Variants in OPCML observed in about 807,000 individuals in gnomAD.
OPCML encodes opioid binding protein/cell adhesion molecule like, also known as opioid-binding protein/cell adhesion molecule.
OPCML carries 13 observed loss-of-function variants against 37.8 expected under a neutral mutation model. The observed-to-expected ratio is 0.34, with a 90% CI of 0.22 to 0.55. OPCML has a LOEUF of 0.55. Ranked by LOEUF, OPCML falls within the 20% of genes least tolerant of loss-of-function variation. The pLI, the probability that OPCML is intolerant of heterozygous loss-of-function variation, is 0.91. For synonymous variants in OPCML, 176 were observed against 168.8 expected, an observed-to-expected ratio of 1.04 and a Z score of -0.33; for missense variants, 341 against 435.6, an observed-to-expected ratio of 0.78 and a Z score of 1.93.
At chr11:132,771,124 C>A (rs1438891603) in intron 2 of OPCML, among the ~76,000 whole-genome samples, 1 of 152,142 alleles carries the variant, frequency 6.6e-6, no homozygotes, top group Non-Finnish European at 1.5e-5. Context: ...GTGAAAATAA[C>A]CTTCATCCAC....
At chr11:132,628,051 C>A (rs1445496638) in intron 3 of OPCML, among the ~76,000 whole-genome samples, 2 of 152,106 alleles carry the variant, frequency 1.3e-5, no homozygotes, top group Non-Finnish European at 2.9e-5. Flanking sequence ...GGGATATTTA[C>A]AGATTTGCAA....
chr11:132,913,540 G>C (rs1944494780), intron 2 of OPCML, among the ~76,000 whole-genome samples: 1 of 152,118 alleles, frequency 6.6e-6, no homozygotes, highest in Admixed American at 6.6e-5. Context: ...TGTAAAGCCA[G>C]AGACCATTAG....
At chr11:133,181,810 C>T (rs1212597922) in intron 1 of OPCML, among the ~76,000 whole-genome samples, 2 of 152,202 alleles carry the variant, frequency 1.3e-5, no homozygotes, top group African/African-American at 4.8e-5. Flanking sequence ...AAAGCCCCAT[C>T]TTCAAAAGGC....
At chr11:132,576,122 T>C (rs944586037) in intron 3 of OPCML, among the ~76,000 whole-genome samples, 1 of 152,144 alleles carries the variant, frequency 6.6e-6, no homozygotes, top group African/African-American at 2.4e-5. Context: ...TTTTAATGTT[T>C]ATTGGTGCTA....
chr11:133,198,844 G>T (rs1001806411), intron 1 of OPCML, among the ~76,000 whole-genome samples: 1 of 152,156 alleles, frequency 6.6e-6, no homozygotes, highest in African/African-American at 2.4e-5. Flanking sequence ...GTGTATTCTG[G>T]ATTGGGTGCA....
chr11:133,395,786 G>A (rs557567606), intron 1 of OPCML, among the ~76,000 whole-genome samples: 3 of 152,252 alleles, frequency 2.0e-5, no homozygotes, highest in African/African-American at 7.2e-5. Context: ...AGTGACTATA[G>A]CTCTGTAGTA....
In OPCML at chr11:132,630,605, T is replaced by C. The variant is rs548354308; in HGVS notation, c.379+26482A>G. ...TACCACTACATACTAGAATAATTAA[T>C]AGTAAAAAGACTGGCAACACCAAGT... On this transcript the variant is annotated intron_variant, in intron 3 of 7. Transcript: ENST00000524381. Among the ~76,000 whole-genome samples the C allele has an allele frequency of 3.9e-5, 6 of 152,196 alleles. No individual in the cohort carries two copies. In the East Asian group the frequency reaches 9.7e-4, roughly 25 times the overall value.
chr11:133,028,779 T>C (rs1368689615), intron 1 of OPCML, among the ~76,000 whole-genome samples: 1 of 151,908 alleles, frequency 6.6e-6, no homozygotes, highest in Non-Finnish European at 1.5e-5. Flanking sequence ...TAGGAAATAC[T>C]CTTCCAGACA....
At chr11:132,761,022 G>A (rs781509252) in intron 2 of OPCML, among the ~76,000 whole-genome samples, 13 of 152,074 alleles carry the variant, frequency 8.5e-5, no homozygotes, top group Non-Finnish European at 1.6e-4. Flanking sequence ...GCATTTGCTT[G>A]TCTGTAAAGG....
intron 1 of OPCML, among the ~76,000 whole-genome samples, chr11:133,523,192 T>G (rs947713111): frequency 5.3e-5 from 8 of 152,162 alleles, no homozygotes; most frequent in Non-Finnish European, 5.9e-5. Context: ...GGGCACCAGT[T>G]AAGAGATTGA....
intron 2 of OPCML, among the ~76,000 whole-genome samples, chr11:132,718,719 C>T (rs1377808413): frequency 1.3e-5 from 2 of 152,176 alleles, no homozygotes; most frequent in Non-Finnish European, 2.9e-5. Flanking sequence ...CAGGGAAGCA[C>T]ACGCGGGCAC....
In OPCML at chr11:132,780,549, C is replaced by T. The variant is rs1045336928; in HGVS notation, c.147-123230G>A. Among the ~76,000 whole-genome samples, 6 of 152,208 alleles carry T rather than the reference C, an allele frequency of 3.9e-5. No homozygotes were observed. In the South Asian group the frequency reaches 6.2e-4, roughly 16 times the overall value. On this transcript the variant is annotated intron_variant, in intron 2 of 7. Transcript: ENST00000524381. ...TGAAAGCAGATGGCAGGAAAGATAC[C>T]GATTAAAAATCACTGGTTTCCTCCT...
intron 1 of OPCML, among the ~76,000 whole-genome samples, chr11:133,438,926 C>T (rs960958340): frequency 1.2e-4 from 18 of 152,118 alleles, no homozygotes; most frequent in African/African-American, 4.3e-4. Context: ...GGGGTGAACC[C>T]GGAGAGGGCA....
intron 1 of OPCML, among the ~76,000 whole-genome samples, chr11:133,457,396 G>A (rs1946695379): frequency 6.6e-6 from 1 of 151,892 alleles, no homozygotes; most frequent in Non-Finnish European, 1.5e-5. Flanking sequence ...AAAATCAACT[G>A]GGCATGGTGG....
chr11:133,369,325 A>G (rs1368128530), intron 1 of OPCML, among the ~76,000 whole-genome samples: 4 of 152,258 alleles, frequency 2.6e-5, no homozygotes, highest in African/African-American at 9.6e-5. Flanking sequence ...TATTAAGCCA[A>G]TCATTAAATT....
chr11:133,256,989 G>A (rs1019126486), intron 1 of OPCML, among the ~76,000 whole-genome samples: 2 of 152,150 alleles, frequency 1.3e-5, no homozygotes, highest in African/African-American at 2.4e-5. Flanking sequence ...AGAATGCTCC[G>A]ATTTACAGTG....
intron 2 of OPCML, among the ~76,000 whole-genome samples, chr11:132,701,096 G>C (rs1369614596): frequency 1.3e-5 from 2 of 152,156 alleles, no homozygotes; most frequent in Non-Finnish European, 2.9e-5. Flanking sequence ...CCAAGACTGG[G>C]TAATGTATAA....
At chr11:133,373,226 A>C (rs909693436) in intron 1 of OPCML, among the ~76,000 whole-genome samples, 5 of 151,380 alleles carry the variant, frequency 3.3e-5, no homozygotes, top group African/African-American at 7.3e-5. Flanking sequence ...GGGGAGGGGG[A>C]GATTACAAAA....
intron 1 of OPCML, among the ~76,000 whole-genome samples, chr11:133,156,682 AT>A (rs1346040969): frequency 1.3e-5 from 2 of 152,234 alleles, no homozygotes; most frequent in African/African-American, 4.8e-5. Flanking sequence ...ATAAAGAATT[AT>A]GAAGAAAATC....
Sources: allele counts gnomAD v4.1 joint callset (sites outside exome capture counted in the v4.1 genomes callset), GRCh38; gene constraint gnomAD v4.1.1; transcripts MANE v1.5; gene names NCBI Gene and HGNC (gene_info 2026-07-23, HGNC 2026-07-21).